The following STRN variants were observed in gnomAD, a reference collection of about 807,000 sequenced individuals.
STRN encodes striatin, also known as protein phosphatase 2 regulatory subunit B'''alpha.
Under a neutral mutation model 96.3 loss-of-function variants are expected in STRN, and 53 were observed. The ratio of observed to expected loss-of-function variants is 0.55; its 90% confidence interval spans 0.44 to 0.69. The LOEUF is 0.69. STRN is among the 30% of genes least tolerant of loss of function. The pLI, the probability that STRN is intolerant of heterozygous loss-of-function variation, is 0.00. For missense variants in STRN, 987 were observed against 963.9 expected (o/e 1.02, Z -0.32); for synonymous variants, 428 against 355.9 (o/e 1.20, Z -2.28).
rs1475875443 is a variant in STRN at position 36,884,415 on chromosome 2, T to G, written c.1043-340A>C. Among the ~76,000 whole-genome samples, 4 of 152,322 alleles carry G rather than the reference T, an allele frequency of 2.6e-5. No homozygotes were observed. The East Asian group carries it at 7.7e-4, about 29-fold the overall frequency. On this transcript the variant is annotated intron_variant, in intron 8 of 17. Coordinates refer to ENST00000263918, the MANE Select transcript of STRN (RefSeq NM_003162.4). ...GATTGTGAGCCTACTGTGCACTGAA[T>G]TAAACAGTAACATCCCTGTTTGTTT...
chr2:36,938,516 G>A (rs1670763562), intron 1 of STRN, among the ~76,000 whole-genome samples: 1 of 152,094 alleles, frequency 6.6e-6, no homozygotes, highest in Admixed American at 6.6e-5. Context: ...GCTCAAACCT[G>A]GTTTGAATTC....
rs180778451 is a variant in STRN, at chr2:36,955,440, G to C, written c.234+10790C>G. Among the ~76,000 whole-genome samples, 699 of 152,324 alleles carry C rather than the reference G, an allele frequency of 4.6e-3. 2 individuals are homozygous for C. The highest frequency in any genetic ancestry group is 7.4e-3 in the Admixed American group (113 of 15,300). Reference sequence around the variant, plus strand: ...TATGCATGCGTGTGTATCCCTGTCAGCCCTAGAATTCTAGAATTATAAGTG... The same window carrying C: ...TATGCATGCGTGTGTATCCCTGTCACCCCTAGAATTCTAGAATTATAAGTG... On this transcript the variant is annotated intron_variant, in intron 1 of 17. Transcript: ENST00000263918.
chr2:36,923,876 A>T, intron 2 of STRN, among the ~76,000 whole-genome samples: 1 of 152,212 alleles, frequency 6.6e-6, no homozygotes. Context: ...AAAAAAATCC[A>T]AGGCCCATTC....
At chr2:36,855,050 C>A (rs574791839) in intron 15 of STRN, among the ~76,000 whole-genome samples, 162 bp downstream of exon 15, 2 of 152,090 alleles carry the variant, frequency 1.3e-5, no homozygotes, top group Non-Finnish European at 2.9e-5. Flanking sequence ...AACCCAAATT[C>A]TTAAAAGGTA....
intron 1 of STRN, among the ~76,000 whole-genome samples, chr2:36,927,301 A>T (rs1670435519): frequency 6.6e-6 from 1 of 151,656 alleles, no homozygotes; most frequent in Non-Finnish European, 1.5e-5. Context: ...TGAGCTCAGG[A>T]GTTTGAGCCT....
In STRN at chr2:36,912,580, T is replaced by C. The variant is rs567437273; in HGVS notation, c.412+3498A>G. Among the ~76,000 whole-genome samples the C allele has an allele frequency of 5.8e-4, 89 of 152,330 alleles. No individual in the cohort carries two copies. In the South Asian group the frequency reaches 0.017, roughly 29 times the overall value. The stretch of plus-strand genomic sequence containing the variant: ...ACTCTTTTTCACGTTTCCGTTCTTC[T>C]ACCAGTCTTTTAAATGTCATTCCTC... On this transcript the variant is annotated intron_variant, in intron 3 of 17. Transcript: ENST00000263918.
intron 1 of STRN, among the ~76,000 whole-genome samples, chr2:36,948,242 C>T (rs1256088192): frequency 6.6e-6 from 1 of 151,706 alleles, no homozygotes; most frequent in South Asian, 2.1e-4. Context: ...GCTGGGATTA[C>T]AGGCATGTGC....
At chr2:36,917,546 AAAAAAAAG>A (rs1173879167) in intron 2 of STRN, among the ~76,000 whole-genome samples, 2 of 150,064 alleles carry the variant, frequency 1.3e-5, no homozygotes, top group Admixed American at 1.3e-4. Context: ...AAGAAAAAAA[AAAAAAAAG>A]AAAAAAAGAA....
chr2:36,942,663 A>AT (rs2148255546), intron 1 of STRN, among the ~76,000 whole-genome samples: 1 of 152,230 alleles, frequency 6.6e-6, no homozygotes, highest in African/African-American at 2.4e-5. Context: ...AAGTTCTAAC[A>AT]TATCTATCTC....
chr2:36,926,357 T>A (rs1300751312), intron 1 of STRN, among the ~76,000 whole-genome samples: 11 of 152,210 alleles, frequency 7.2e-5, no homozygotes, highest in Non-Finnish European at 1.5e-4. Flanking sequence ...CAAAACTAGC[T>A]ATAAATTTCA....
chr2:36,904,755 G>A (rs566733954), intron 4 of STRN, among the ~76,000 whole-genome samples: 3 of 152,304 alleles, frequency 2.0e-5, no homozygotes, highest in Non-Finnish European at 2.9e-5. Flanking sequence ...TTGAGCCCAG[G>A]AGGCAGCAGT....
At chr2:36,949,140 C>T (rs1664687249) in intron 1 of STRN, among the ~76,000 whole-genome samples, 1 of 152,182 alleles carries the variant, frequency 6.6e-6, no homozygotes, top group African/African-American at 2.4e-5. Flanking sequence ...GTTACATCTG[C>T]CTACAGTATT....
Position 36,840,741 on chromosome 2 carries a change from T to G in STRN, c.*8715A>C, listed in dbSNP as rs1667932618. The G allele has an allele frequency of 1.3e-5, 2 of 152,130 alleles. No homozygotes were observed. The highest frequency in any genetic ancestry group is 2.9e-5 in the Non-Finnish European group (2 of 68,026). The allele number at this position is 152,130 out of a possible 1,614,324, so 9.4% of individuals were successfully genotyped here. A position where few individuals can be genotyped will look rare whatever the true frequency, so the allele number is the denominator to read the frequency against. Reference sequence around the variant, plus strand: ...TAGACAAAAGCAAACAAATAATCATTAACCTTTATTTTTGTAGGTGACAAA... The same window carrying G: ...TAGACAAAAGCAAACAAATAATCATGAACCTTTATTTTTGTAGGTGACAAA... On this transcript the variant is annotated 3_prime_UTR_variant, in exon 18 of 18. Transcript: ENST00000263918.
chr2:36,873,939 CT>C (rs1668831556), intron 10 of STRN, among the ~76,000 whole-genome samples: 1 of 24,398 alleles, frequency 4.1e-5, no homozygotes, highest in Admixed American at 6.8e-4. Context: ...GAGACTCCGC[CT>C]CAAAAAAAAA....
At chr2:36,942,185 C>T (rs1670862367) in intron 1 of STRN, among the ~76,000 whole-genome samples, 1 of 152,124 alleles carries the variant, frequency 6.6e-6, no homozygotes, top group Non-Finnish European at 1.5e-5. Flanking sequence ...CTTTTTGTTG[C>T]TTTTCCCTGT....
At chr2:36,860,284 T>C (rs1464660727) in intron 13 of STRN, among the ~76,000 whole-genome samples, 1 of 152,162 alleles carries the variant, frequency 6.6e-6, no homozygotes, top group African/African-American at 2.4e-5. Flanking sequence ...TAGGACAGAA[T>C]GAGGGACAGT....
Position 36,851,029 on chromosome 2 carries a change from C to T in STRN, c.2057G>A (p.Arg686Lys), listed in dbSNP as rs917629216. 25 of 1,612,116 alleles carry T rather than the reference C, an allele frequency of 1.6e-5. No homozygotes were observed. Among genetic ancestry groups the T allele is most frequent in the Non-Finnish European group, 2.0e-5 (24 of 1,179,154 alleles). ...ATTGTTATCATAGAATTTGATGTGC[C>T]TGTCTTCATGAGCAGTGATGCTGAT... ...LPISITAHEDRHIKFYDNNTG... is the reference protein window; with the variant it reads ...LPISITAHEDKHIKFYDNNTG... Residue 686 changes from arginine (R) to lysine (K), a missense_variant, in exon 16 of 18, where the codon AGG becomes AAG. Physicochemically the swap from Arg to Lys is conservative, Grantham distance 26 (BLOSUM62 2). Coordinates refer to ENST00000263918, the MANE Select transcript of STRN (RefSeq NM_003162.4).
intron 1 of STRN, among the ~76,000 whole-genome samples, chr2:36,955,009 CCGTT>C (rs1664849544): frequency 6.6e-6 from 1 of 152,170 alleles, no homozygotes; most frequent in South Asian, 2.1e-4. Flanking sequence ...TCTTACTATA[CCGTT>C]TCACTAAATT....
intron 1 of STRN, among the ~76,000 whole-genome samples, chr2:36,952,893 T>C (rs1014719221): frequency 1.3e-5 from 2 of 152,230 alleles, no homozygotes; most frequent in African/African-American, 4.8e-5. Context: ...TGGTTGTGCC[T>C]ATAATTTAAG....
Sources: gnomAD v4.1 joint callset for allele counts (sites outside exome capture counted in the v4.1 genomes callset) on GRCh38, gnomAD v4.1.1 for gene constraint, MANE v1.5 for transcripts, NCBI Gene and HGNC (gene_info 2026-07-23, HGNC 2026-07-21) for gene names.